The following CDON variants were observed in gnomAD, a reference collection of about 807,000 sequenced individuals.
CDON encodes cell adhesion molecule-related/down-regulated by oncogenes.
Under a neutral mutation model 120.9 loss-of-function variants are expected in CDON, and 73 were observed. That is an observed-to-expected ratio of 0.60 (90% CI 0.50 to 0.73). The LOEUF is 0.73. CDON is among the 30% of genes least tolerant of loss of function. CDON has a pLI of 0.00. For synonymous variants in CDON, 566 were observed against 573.5 expected (o/e 0.99, Z 0.19); for missense variants, 1,470 against 1,587.3 (o/e 0.93, Z 1.26).
At chr11:125,990,362 G>A (rs1468211617) in intron 14 of CDON, among the ~76,000 whole-genome samples, 1 of 152,182 alleles carries the variant, frequency 6.6e-6, no homozygotes, top group Non-Finnish European at 1.5e-5. Flanking sequence ...TTTCTTTTGA[G>A]TCAAGATCTC....
At chr11:125,982,468 C>T (rs1946340117) in intron 16 of CDON, among the ~76,000 whole-genome samples, 1 of 152,032 alleles carries the variant, frequency 6.6e-6, no homozygotes, top group Admixed American at 6.5e-5. Flanking sequence ...ATTAGGTGTC[C>T]CTCCTTTCCT....
rs564838080 is a variant in CDON at position 125,961,993 on chromosome 11, A to G, written c.3362T>C (p.Phe1121Ser). The change falls in exon 19 of 20, where the codon TTC becomes TCC. Residue 1121 changes from phenylalanine (F) to serine (S), a missense_variant. Coordinates refer to ENST00000531738, the MANE Select transcript of CDON (RefSeq NM_001378964.1). The part of the protein sequence containing the change: ...CRNCRNNNRC[F>S]TKTNSTFSSS... ...GCTGAAAGTGCTGTTGGTTTTGGTG[A>G]AACACCTGCAGAGGTTAAACCAAAA... 6.2e-7 allele frequency: 1 copy of G among 1,613,844 alleles called. No homozygotes were observed. Among genetic ancestry groups the G allele is most frequent in the African/African-American group, 1.3e-5 (1 of 75,050 alleles).
intron 1 of CDON, among the ~76,000 whole-genome samples, chr11:126,062,067 AGAG>A (rs1054630242): frequency 6.6e-6 from 1 of 152,262 alleles, no homozygotes; most frequent in Non-Finnish European, 1.5e-5. Context: ...AAAGCTTTAC[AGAG>A]GAGAAGGAAA....
intron 18 of CDON, among the ~76,000 whole-genome samples, chr11:125,966,755 C>A (rs1945812154): frequency 6.6e-6 from 1 of 151,424 alleles, no homozygotes; most frequent in African/African-American, 2.4e-5. Context: ...TGAAAGGGAA[C>A]AACAATAGCT....
At chr11:125,993,488 C>T (rs558725116) in intron 14 of CDON, among the ~76,000 whole-genome samples, 1 of 152,216 alleles carries the variant, frequency 6.6e-6, no homozygotes, top group South Asian at 2.1e-4. Context: ...TTAGAAACTA[C>T]AGCAAGGTAC....
intron 18 of CDON, among the ~76,000 whole-genome samples, chr11:125,966,487 T>A (rs941117358): frequency 6.6e-6 from 1 of 152,104 alleles, no homozygotes; most frequent in Non-Finnish European, 1.5e-5. Context: ...AGGCACCGTA[T>A]GGCGAAAAAC....
At chr11:126,031,542 G>A (rs1419440854) in intron 1 of CDON, among the ~76,000 whole-genome samples, 2 of 152,144 alleles carry the variant, frequency 1.3e-5, no homozygotes, top group Admixed American at 1.3e-4. Context: ...GTGTTTGGAT[G>A]ACCTCAAACA....
rs779680622 is a variant in CDON, at chr11:126,021,427, G to C, written c.170C>G (p.Thr57Ser). The change falls in exon 3 of 20, where the codon ACT becomes AGT. Residue 57 changes from threonine (T) to serine (S), a missense_variant. Transcript: ENST00000531738. ...TCCGTTATGCAGCCATGAGATACGA[G>C]TGGTCACAGGTTGAGCAGAACAATG... ...VLHCSAQPVT[T>S]RISWLHNGKT... The C allele has an allele frequency of 1.2e-6, 2 of 1,614,024 alleles. No homozygotes were observed. The highest frequency in any genetic ancestry group is 1.7e-6 in the Non-Finnish European group (2 of 1,180,006).
intron 12 of CDON, among the ~76,000 whole-genome samples, chr11:125,996,603 G>T (rs1946791219): frequency 1.3e-5 from 2 of 150,680 alleles, no homozygotes; most frequent in Admixed American, 1.3e-4. Context: ...GGGAGGCTGA[G>T]GCAGGAGAAT....
At chr11:125,994,837 C>T (rs771155815) in intron 13 of CDON, 34 bp downstream of exon 13, 1 of 1,586,858 alleles carries the variant, frequency 6.3e-7, no homozygotes, top group Non-Finnish European at 8.7e-7. Flanking sequence ...CATGACCAAA[C>T]CACAAAATCT....
chr11:126,001,714 T>C lies in CDON; in HGVS notation c.2158+5A>G. ...AAAGAAACAATAAAATATTCTTCTT[T>C]TTACCTCCACTGTGCCTAGAGGAAT... On this transcript the variant is annotated splice_donor_5th_base_variant and intron_variant, in intron 11 of 19. Transcript: ENST00000531738. 8 of 1,613,010 alleles carry C rather than the reference T, an allele frequency of 5.0e-6. No individual in the cohort carries two copies. Among genetic ancestry groups the C allele is most frequent in the Non-Finnish European group, 6.8e-6 (8 of 1,179,140 alleles).
chr11:126,025,336 T>C (rs1381332791), intron 1 of CDON, among the ~76,000 whole-genome samples: 3 of 152,062 alleles, frequency 2.0e-5, no homozygotes, highest in Admixed American at 1.3e-4. Context: ...CTGAAGGTCA[T>C]TGGTGGTATT....
chr11:126,014,259 C>T (rs966951609), intron 7 of CDON, among the ~76,000 whole-genome samples: 8 of 151,706 alleles, frequency 5.3e-5, no homozygotes, highest in Non-Finnish European at 8.8e-5. Context: ...TTTCAATGAG[C>T]GAAAGACAAA....
At chr11:126,015,004 A>C in intron 7 of CDON, 1 of 532,738 alleles carries the variant, frequency 1.9e-6, no homozygotes, top group Non-Finnish European at 3.4e-6. Flanking sequence ...TAGATTTTTA[A>C]AGTAGGCAGA....
intron 1 of CDON, among the ~76,000 whole-genome samples, chr11:126,040,369 T>G (rs1948222181): frequency 6.6e-6 from 1 of 152,222 alleles, no homozygotes; most frequent in Admixed American, 6.5e-5. Context: ...TTGCACAAAA[T>G]GAGTGCTTAG....
rs558422232 is a variant in CDON, at chr11:126,057,183, C to G, written c.-62+5396G>C. ...TAAAAATGAGGTCATGGTTGTTTTC[C>G]TAAGATAGCCATTGGGATCTGATTT... On this transcript the variant is annotated intron_variant, in intron 1 of 19. Coordinates refer to ENST00000531738, the MANE Select transcript of CDON (RefSeq NM_001378964.1). Among the ~76,000 whole-genome samples, 12 of 152,188 alleles carry G rather than the reference C, an allele frequency of 7.9e-5. No individual in the cohort carries two copies. In the East Asian group the frequency reaches 2.1e-3, roughly 27 times the overall value.
At position 125,981,234 on chromosome 11, in the gene CDON, T is replaced by A; in HGVS notation, c.3091A>T (p.Asn1031Tyr). 6.2e-7 allele frequency: 1 copy of A among 1,614,180 alleles called. No homozygotes were observed. Among genetic ancestry groups the A allele is most frequent in the Admixed American group, 1.7e-5 (1 of 60,030 alleles). ...TTGGTTAGGAAGCCTCCGTGAACAT[T>A]TCCATTTATCTGACTTGCTCCTGAG... is the stretch of plus-strand genomic sequence containing the variant. ...TLSGASQING[N>Y]VHGGFLTNGG... The change falls in exon 17 of 20, where the codon AAT becomes TAT. Residue 1031 changes from asparagine to tyrosine, a missense_variant. Asn to Tyr is a moderately radical substitution (Grantham distance 143, BLOSUM62 -2). Transcript: ENST00000531738.
Position 126,058,684 on chromosome 11 carries a change from T to TAGACA in CDON, c.-62+3894_-62+3895insTGTCT, listed in dbSNP as rs1555142063. ...GGAGCATTGGAATTCACATTCTTGG[T>TAGACA]AGATGAAAACCAATTAACTACACCA... On this transcript the variant is annotated intron_variant, in intron 1 of 19. Coordinates refer to ENST00000531738, the MANE Select transcript of CDON (RefSeq NM_001378964.1). 2.6e-5 allele frequency among the ~76,000 whole-genome samples: 4 copies of TAGACA among 152,356 alleles called. No individual in the cohort carries two copies. In the East Asian group the frequency reaches 7.7e-4, roughly 29 times the overall value.
At chr11:126,005,690 C>T in intron 9 of CDON, 69 bp downstream of exon 9, 1 of 1,412,244 alleles carries the variant, frequency 7.1e-7, no homozygotes, top group Non-Finnish European at 1.0e-6. Context: ...AATGAAAAGG[C>T]AACAGTATAT....
Sources: allele counts gnomAD v4.1 joint callset (sites outside exome capture counted in the v4.1 genomes callset), GRCh38; gene constraint gnomAD v4.1.1; transcripts MANE v1.5; gene names NCBI Gene and HGNC (gene_info 2026-07-23, HGNC 2026-07-21).